DPYD: variants seen among roughly 807,000 people sequenced by gnomAD.
DPYD encodes the protein dihydropyrimidine dehydrogenase.
In DPYD, 109 loss-of-function variants were observed where a neutral mutation model predicts 116.2. The observed-to-expected ratio is 0.94, with a 90% CI of 0.80 to 1.10. The LOEUF (loss-of-function observed/expected upper bound fraction) is 1.10, where lower values mean the gene tolerates loss of function less well. DPYD is among the 50% of genes least tolerant of loss of function. DPYD has a pLI of 0.00. For synonymous variants in DPYD, 440 were observed against 432.0 expected (o/e 1.02, Z -0.23); for missense variants, 1,302 against 1,254.5 (o/e 1.04, Z -0.57).
In DPYD at chr1:97,515,928, G is replaced by A. The variant is rs760663364; in HGVS notation, c.1538C>T (p.Ala513Val). ...TAGTTCAGGCTTGGCAGAAACGGAAGCTCCATATTGTGACTGCAAAATACA... is the reference window on the plus strand; with the variant it reads ...TAGTTCAGGCTTGGCAGAAACGGAAACTCCATATTGTGACTGCAAAATACA... ...IHKYVQSQYG[A>V]SVSAKPELPL... is the part of the protein sequence containing the mutation. Residue 513 changes from alanine to valine, a missense_variant, in exon 13 of 23, where the codon GCT (alanine) becomes GTT (valine). Coordinates refer to ENST00000370192, the MANE Select transcript of DPYD (RefSeq NM_000110.4). 3.7e-6 allele frequency: 6 copies of A among 1,612,254 alleles called. No individual in the cohort carries two copies. The highest frequency in any genetic ancestry group is 3.3e-4 in the Middle Eastern group (2 of 6,080).
intron 4 of DPYD, among the ~76,000 whole-genome samples, chr1:97,736,405 C>T (rs997203635): frequency 7.0e-6 from 1 of 143,378 alleles, no homozygotes; most frequent in African/African-American, 2.5e-5. Context: ...AGTCTGGCAA[C>T]AAAAAAAAAA....
intron 8 of DPYD, among the ~76,000 whole-genome samples, chr1:97,677,736 G>A (rs1444580423): frequency 6.6e-6 from 1 of 152,054 alleles, no homozygotes; most frequent in Non-Finnish European, 1.5e-5. Context: ...AGAAGACAGT[G>A]TAAATTTATA....
intron 20 of DPYD, among the ~76,000 whole-genome samples, chr1:97,117,715 A>C (rs921369143): frequency 1.3e-5 from 2 of 152,190 alleles, no homozygotes; most frequent in Non-Finnish European, 2.9e-5. Context: ...ATTTAGTATT[A>C]AAGTTGGTCA....
chr1:97,552,353 T>G (rs1337021050), intron 11 of DPYD, among the ~76,000 whole-genome samples: 2 of 152,054 alleles, frequency 1.3e-5, no homozygotes, highest in Non-Finnish European at 2.9e-5. Context: ...ATGCAAAAAA[T>G]GTACATAGAA....
At chr1:97,675,242 C>T (rs1660076511) in intron 8 of DPYD, among the ~76,000 whole-genome samples, 1 of 152,076 alleles carries the variant, frequency 6.6e-6, no homozygotes, top group South Asian at 2.1e-4. Context: ...TTTTAAAAGC[C>T]TTGTATAGTA....
At chr1:97,441,459 T>C (rs534002626) in intron 14 of DPYD, among the ~76,000 whole-genome samples, 2 of 152,252 alleles carry the variant, frequency 1.3e-5, no homozygotes, top group African/African-American at 4.8e-5. Context: ...TTAAGGTTAC[T>C]AATCATTTCT....
intron 14 of DPYD, among the ~76,000 whole-genome samples, chr1:97,389,286 G>GC (rs1163651012): frequency 1.4e-5 from 2 of 147,494 alleles, no homozygotes; most frequent in African/African-American, 5.0e-5. Context: ...TACAGCCTGG[G>GC]CGACAGAATG....
At chr1:97,164,922 A>T (rs1268302165) in intron 20 of DPYD, among the ~76,000 whole-genome samples, 3 of 151,016 alleles carry the variant, frequency 2.0e-5, no homozygotes, top group Non-Finnish European at 4.4e-5. Context: ...GTTAGCCAGG[A>T]TGGTCTCGAT....
At chr1:97,585,139 GC>G (rs1313706636) in intron 10 of DPYD, among the ~76,000 whole-genome samples, 1 of 151,966 alleles carries the variant, frequency 6.6e-6, no homozygotes, top group Non-Finnish European at 1.5e-5. Context: ...TCACTGGTCT[GC>G]CACCTTGAAT....
intron 11 of DPYD, among the ~76,000 whole-genome samples, chr1:97,568,370 C>T (rs942954864): frequency 6.6e-5 from 10 of 152,098 alleles, no homozygotes; most frequent in South Asian, 4.2e-4. Context: ...CTATATGCTA[C>T]GCCTATATGT....
chr1:97,693,138 A>C (rs1441363048), intron 6 of DPYD, among the ~76,000 whole-genome samples: 1 of 151,802 alleles, frequency 6.6e-6, no homozygotes, highest in African/African-American at 2.4e-5. Flanking sequence ...AAAATACAAA[A>C]AAATTAGCCA....
In DPYD at chr1:97,095,378, T is replaced by C. The variant is rs543290063; in HGVS notation, c.2766+3111A>G. Among the ~76,000 whole-genome samples, 3 of 152,186 alleles carry C rather than the reference T, an allele frequency of 2.0e-5. No homozygotes were observed. The South Asian group carries it at 6.2e-4, about 32-fold the overall frequency. On this transcript the variant is annotated intron_variant, in intron 21 of 22. Coordinates refer to ENST00000370192, the MANE Select transcript of DPYD (RefSeq NM_000110.4). ...AAGGGATCCCTTTAAAATGCAAATA[T>C]TGAGGTCTTGGAACAACTGTCTATT... is the stretch of plus-strand genomic sequence containing the variant.
At chr1:97,149,928 C>T (rs1362868920) in intron 20 of DPYD, among the ~76,000 whole-genome samples, 2 of 152,174 alleles carry the variant, frequency 1.3e-5, no homozygotes, top group Non-Finnish European at 2.9e-5. Flanking sequence ...GGCAGTTTCC[C>T]TTTGCACATT....
chr1:97,304,961 T>C (rs941693930), intron 18 of DPYD, among the ~76,000 whole-genome samples: 45 of 151,870 alleles, frequency 3.0e-4, no homozygotes, highest in Admixed American at 5.9e-4. Context: ...CAGAGGGCCC[T>C]CATATTAACC....
At chr1:97,302,468 C>T (rs757461053) in intron 18 of DPYD, among the ~76,000 whole-genome samples, 108 of 151,856 alleles carry the variant, frequency 7.1e-4, no homozygotes, top group South Asian at 2.1e-4. Context: ...AAGCACCGCC[C>T]CCCAGAGTTT....
chr1:97,705,579 T>C (rs1571221220), intron 5 of DPYD, among the ~76,000 whole-genome samples: 2 of 152,016 alleles, frequency 1.3e-5, no homozygotes, highest in East Asian at 3.9e-4. Flanking sequence ...TTGTGAATAG[T>C]GCCGCAATAA....
At chr1:97,120,411 C>T (rs1652337961) in intron 20 of DPYD, among the ~76,000 whole-genome samples, 1 of 152,100 alleles carries the variant, frequency 6.6e-6, no homozygotes, top group Admixed American at 6.6e-5. Flanking sequence ...TCCTTGAAGA[C>T]AAAGGGTGTC....
chr1:97,082,886 A>G (rs1201237715), intron 21 of DPYD, among the ~76,000 whole-genome samples: 1 of 152,156 alleles, frequency 6.6e-6, no homozygotes, highest in Non-Finnish European at 1.5e-5. Context: ...ATTGCTCATA[A>G]TGAAGGGAAT....
chr1:97,462,267 TGTTA>T (rs1557728643), intron 13 of DPYD, among the ~76,000 whole-genome samples: 2 of 152,338 alleles, frequency 1.3e-5, no homozygotes, highest in Middle Eastern at 3.4e-3. Flanking sequence ...CAAATGGATT[TGTTA>T]GTTAGTTCAA....
Sources: gnomAD v4.1 joint callset for allele counts (sites outside exome capture counted in the v4.1 genomes callset) on GRCh38, gnomAD v4.1.1 for gene constraint, MANE v1.5 for transcripts, NCBI Gene and HGNC (gene_info 2026-07-23, HGNC 2026-07-21) for gene names.